TENM4: variants seen among roughly 807,000 people sequenced by gnomAD.
TENM4 encodes teneurin transmembrane protein 4.
In TENM4, 82 loss-of-function variants were observed where a neutral mutation model predicts 243.3. The observed-to-expected ratio is 0.34, with a 90% CI of 0.28 to 0.40. The LOEUF (loss-of-function observed/expected upper bound fraction) is 0.40. Among genes scored for constraint, TENM4 ranks in the 10% least tolerant of loss-of-function variants. TENM4 has a pLI of 1.00. For synonymous variants in TENM4, 1,412 were observed against 1,456.3 expected (o/e 0.97, Z 0.69); for missense variants, 3,138 against 3,673.3 (o/e 0.85, Z 3.77).
intron 32 of TENM4, among the ~76,000 whole-genome samples, chr11:78,667,292 G>T (rs1858181018): frequency 6.6e-6 from 1 of 152,128 alleles, no homozygotes; most frequent in Non-Finnish European, 1.5e-5. Context: ...TGCTCTCAAT[G>T]TGTGACAACA....
rs1302314655 is a variant in TENM4 at position 78,708,475 on chromosome 11, A to G, written c.4095T>C (p.Asp1365=). 1 of 1,614,038 alleles carries G rather than the reference A, an allele frequency of 6.2e-7. No individual in the cohort carries two copies. Among genetic ancestry groups the G allele is most frequent in the Non-Finnish European group, 8.5e-7 (1 of 1,179,892 alleles). The change falls in exon 27 of 34, where the codon GAT becomes GAC. Residue 1365 remains aspartate, a synonymous_variant. Transcript: ENST00000278550. Reference sequence around the variant, plus strand: ...GATCGATGCGTCTGATCATGGTGCCATCCACGAAGTAGATCAGCCCAAACT... The same window carrying G: ...GATCGATGCGTCTGATCATGGTGCCGTCCACGAAGTAGATCAGCCCAAACT... The part of the protein sequence containing the change: ...VDKFGLIYFV[D]GTMIRRIDQN...
At chr11:78,749,099 C>T (rs1590990897) in intron 19 of TENM4, among the ~76,000 whole-genome samples, 1 of 152,166 alleles carries the variant, frequency 6.6e-6, no homozygotes, top group Non-Finnish European at 1.5e-5. Flanking sequence ...GATCGTAATT[C>T]ATTTTTGAAA....
intron 3 of TENM4, among the ~76,000 whole-genome samples, chr11:79,205,994 C>A (rs1863844384): frequency 6.6e-6 from 1 of 152,218 alleles, no homozygotes; most frequent in African/African-American, 2.4e-5. Flanking sequence ...GTCTGGTGTT[C>A]AGGAACAAGG....
At chr11:79,281,036 T>C (rs899912924) in intron 2 of TENM4, among the ~76,000 whole-genome samples, 6 of 152,202 alleles carry the variant, frequency 3.9e-5, no homozygotes, top group African/African-American at 1.4e-4. Context: ...GAGCTGCAAA[T>C]GAATTCAACT....
chr11:79,046,619 G>T (rs145188350), intron 6 of TENM4, among the ~76,000 whole-genome samples: 1 of 152,296 alleles, frequency 6.6e-6, no homozygotes, highest in East Asian at 1.9e-4. Flanking sequence ...GCCATGTGAA[G>T]GCAGCACCAT....
rs1860358460 is a variant in TENM4, at chr11:79,069,737, C to A, written c.208G>T (p.Glu70Ter). 2 of 1,550,644 alleles carry A rather than the reference C, an allele frequency of 1.3e-6. No homozygotes were observed. The highest frequency in any genetic ancestry group is 2.7e-5 in the African/African-American group (2 of 73,060). ...VKDIVPQEAE[E>*]FCRTGANFTL... ...TTGTCCTTACCTGTGCGGCAGAATT[C>A]CTCGGCCTCCTGCGGCACAATGTCC... The change falls in exon 5 of 34, where the codon GAA (glutamate) becomes TAA (stop). Residue 70 changes from glutamate (E) to a stop codon, truncating the protein, a stop_gained. Transcript: ENST00000278550. LOFTEE classifies it high-confidence loss of function.
At position 79,266,573 on chromosome 11, in the gene TENM4, C is replaced by A. The variant is rs113027790; in HGVS notation, c.-265+30915G>T. ...TGTCAGTAGGCCCTTATCTTTGCTA[C>A]TAGTATCAGTAGAGGCTCCCTTAAC... On this transcript the variant is annotated intron_variant, in intron 2 of 33. Transcript: ENST00000278550. 1.1e-3 allele frequency among the ~76,000 whole-genome samples: 169 copies of A among 152,272 alleles called. 1 individual carries two copies. Among genetic ancestry groups the A allele is most frequent in the African/African-American group, 3.7e-3 (152 of 41,548 alleles).
intron 3 of TENM4, among the ~76,000 whole-genome samples, chr11:79,179,184 C>G (rs1275025823): frequency 1.3e-5 from 2 of 152,224 alleles, no homozygotes; most frequent in African/African-American, 2.4e-5. Flanking sequence ...TCCTTGCCAA[C>G]TACCTCACAA....
chr11:78,892,276 G>A (rs1855686102), intron 7 of TENM4, among the ~76,000 whole-genome samples: 1 of 152,174 alleles, frequency 6.6e-6, no homozygotes, highest in Non-Finnish European at 1.5e-5. Context: ...ATCTTTTCAG[G>A]ACAGCTATCA....
chr11:78,836,104 T>G (rs369638940), intron 12 of TENM4, among the ~76,000 whole-genome samples: 1 of 152,206 alleles, frequency 6.6e-6, no homozygotes, highest in South Asian at 2.1e-4. Context: ...ATGCCTGTAA[T>G]CCCAGTACTT....
chr11:79,212,665 G>A (rs546814401), intron 3 of TENM4, among the ~76,000 whole-genome samples: 157 of 152,214 alleles, frequency 1.0e-3, no homozygotes, highest in Middle Eastern at 3.4e-3. Context: ...AGGTGAGGCC[G>A]TGTGAAGCTA....
intron 6 of TENM4, among the ~76,000 whole-genome samples, chr11:79,048,617 G>A (rs1859719532): frequency 6.6e-6 from 1 of 152,132 alleles, no homozygotes; most frequent in Non-Finnish European, 1.5e-5. Context: ...AACTGTATGT[G>A]AGTTTCTGGT....
chr11:78,959,339 T>G (rs1436803631), intron 6 of TENM4, among the ~76,000 whole-genome samples: 1 of 152,196 alleles, frequency 6.6e-6, no homozygotes, highest in East Asian at 1.9e-4. Context: ...TAAAATAATT[T>G]CACATTTTTT....
rs371821417 is a variant in TENM4, at chr11:78,858,144, C to A, written c.1256-1966G>T. 5.3e-5 allele frequency among the ~76,000 whole-genome samples: 8 copies of A among 152,258 alleles called. No individual in the cohort carries two copies. The South Asian group carries it at 1.2e-3, about 24-fold the overall frequency. Reference sequence around the variant, plus strand: ...CCCATTTTAGCATGCTGCTGGAGAACCCTGCACAGTTCATTTTCTCCCTCA... The same window carrying A: ...CCCATTTTAGCATGCTGCTGGAGAAACCTGCACAGTTCATTTTCTCCCTCA... On this transcript the variant is annotated intron_variant, in intron 10 of 33. Coordinates refer to ENST00000278550, the MANE Select transcript of TENM4 (RefSeq NM_001098816.3).
chr11:79,099,665 C>T (rs192778826), intron 4 of TENM4, among the ~76,000 whole-genome samples: 1 of 152,318 alleles, frequency 6.6e-6, no homozygotes, highest in African/African-American at 2.4e-5. Context: ...CTCTTCAATG[C>T]TGACACCCTA....
At chr11:79,103,456 C>T (rs753773284) in intron 4 of TENM4, among the ~76,000 whole-genome samples, 3 of 151,254 alleles carry the variant, frequency 2.0e-5, no homozygotes, top group Non-Finnish European at 4.4e-5. Context: ...GTTGTGGGCC[C>T]ACAGTGCATC....
chr11:78,912,899 T>G (rs554420050), intron 6 of TENM4, among the ~76,000 whole-genome samples: 1 of 152,210 alleles, frequency 6.6e-6, no homozygotes, highest in African/African-American at 2.4e-5. Context: ...TCACAACATA[T>G]ACTCCACCAA....
chr11:78,854,044 T>G (rs1490265536), intron 12 of TENM4, 60 bp downstream of exon 12: 38 of 1,478,000 alleles, frequency 2.6e-5, no homozygotes, highest in Non-Finnish European at 3.4e-5. Flanking sequence ...AGAATCTCCA[T>G]GCAGCCTCCG....
Position 78,771,156 on chromosome 11 carries a change from G to C in TENM4, c.2393-18C>G, listed in dbSNP as rs770586196. 4.5e-6 allele frequency: 7 copies of C among 1,560,176 alleles called. No homozygotes were observed. In the South Asian group the frequency reaches 8.3e-5, roughly 18 times the overall value. ...GCAACCCTCTGAAAGACAAAGTACA[G>C]GGTTGAGGTCTGATCACCCAGAGTC... On this transcript the variant is annotated intron_variant, in intron 17 of 33. Transcript: ENST00000278550.
Sources: gnomAD v4.1 joint callset for allele counts (sites outside exome capture counted in the v4.1 genomes callset) on GRCh38, gnomAD v4.1.1 for gene constraint, MANE v1.5 for transcripts, NCBI Gene and HGNC (gene_info 2026-07-23, HGNC 2026-07-21) for gene names.